SGCD: variants seen among roughly 807,000 people sequenced by gnomAD.
The protein encoded by SGCD is delta-sarcoglycan.
Under a neutral mutation model 36.6 loss-of-function variants are expected in SGCD, and 18 were observed. The ratio of observed to expected loss-of-function variants is 0.49; its 90% CI spans 0.34 to 0.73. The LOEUF is 0.73. Among genes scored for constraint, SGCD ranks in the 30% least tolerant of loss-of-function variants. The pLI, the probability that SGCD is intolerant of heterozygous loss-of-function variation, is 0.01. For missense variants in SGCD, 387 were observed against 346.7 expected (o/e 1.12, Z -0.92); for synonymous variants, 133 against 130.6 (o/e 1.02, Z -0.12).
chr5:156,146,192 G>A (rs1296611530), intron 3 of SGCD, among the ~76,000 whole-genome samples: 6 of 152,144 alleles, frequency 3.9e-5, no homozygotes, highest in South Asian at 2.1e-4. Context: ...CAGCCTGGGC[G>A]ACAGAGCGAG....
At chr5:156,068,954 A>G (rs1760438477) in intron 1 of SGCD, among the ~76,000 whole-genome samples, 1 of 151,898 alleles carries the variant, frequency 6.6e-6, no homozygotes, top group Non-Finnish European at 1.5e-5. Flanking sequence ...TCCTTTGCCC[A>G]CTTTTTGATG....
At chr5:156,244,235 C>T (rs1765383134) in intron 3 of SGCD, among the ~76,000 whole-genome samples, 2 of 152,052 alleles carry the variant, frequency 1.3e-5, no homozygotes, top group Admixed American at 1.3e-4. Context: ...ATACAGTCTT[C>T]AAAAGTGTCA....
upstream of SGCD, among the ~76,000 whole-genome samples, chr5:155,869,697 A>G (rs895537028): frequency 3.9e-5 from 6 of 151,914 alleles, no homozygotes; most frequent in African/African-American, 1.5e-4. Flanking sequence ...TCTGTACAAA[A>G]GAGATATGAA....
chr5:156,190,152 G>T (rs1311027194), intron 3 of SGCD, among the ~76,000 whole-genome samples: 1 of 152,116 alleles, frequency 6.6e-6, no homozygotes, highest in African/African-American at 2.4e-5. Flanking sequence ...TGGTCACATG[G>T]ATCTGGGAAG....
chr5:156,054,783 G>C (rs1760020401), intron 1 of SGCD, among the ~76,000 whole-genome samples: 1 of 146,030 alleles, frequency 6.8e-6, no homozygotes, highest in Admixed American at 6.8e-5. Context: ...ATTAACTCTT[G>C]AATTATTCTG....
intron 3 of SGCD, among the ~76,000 whole-genome samples, chr5:156,490,791 G>GA (rs1306478885): frequency 1.3e-5 from 2 of 152,048 alleles, no homozygotes; most frequent in East Asian, 3.9e-4. Context: ...TGTAAGGACT[G>GA]AAAAAAGACA....
In SGCD at chr5:156,014,509, A is replaced by G. The variant is rs1313624243; in HGVS notation, c.-281-103369A>G. ...ATTTTTTCATTTGTAAGTAGTTTGT[A>G]TATACCACTTCCCTTAATGTTTCAA... On this transcript the variant is annotated intron_variant, in intron 1 of 9. Coordinates refer to the SGCD transcript ENST00000517913. Among the ~76,000 whole-genome samples the G allele has an allele frequency of 2.6e-5, 4 of 152,312 alleles. No individual in the cohort carries two copies. The East Asian group carries it at 5.8e-4, about 22-fold the overall frequency.
At chr5:156,498,277 A>AAAAC (rs1417383295) in intron 3 of SGCD, among the ~76,000 whole-genome samples, 14 of 151,976 alleles carry the variant, frequency 9.2e-5, no homozygotes, top group African/African-American at 3.4e-4. Context: ...AAAAAAAAAA[A>AAAAC]ACACCTCGTT....
chr5:156,548,492 A>G (rs1173166515), intron 4 of SGCD, among the ~76,000 whole-genome samples: 1 of 152,244 alleles, frequency 6.6e-6, no homozygotes, highest in Non-Finnish European at 1.5e-5. Flanking sequence ...AAAGACCATA[A>G]TCTTGGAGGA....
chr5:155,792,497 A>G, the SGCD span, among the ~76,000 whole-genome samples: 1 of 151,656 alleles, frequency 6.6e-6, no homozygotes. Flanking sequence ...ACTATTCACC[A>G]AGTATGCATC....
chr5:156,164,510 G>A (rs1763167136), intron 3 of SGCD, among the ~76,000 whole-genome samples: 1 of 152,164 alleles, frequency 6.6e-6, no homozygotes, highest in African/African-American at 2.4e-5. Flanking sequence ...GAGGGGGCTT[G>A]CATTCCTGTC....
chr5:156,248,110 T>A (rs1264140080), intron 3 of SGCD, among the ~76,000 whole-genome samples: 1 of 152,160 alleles, frequency 6.6e-6, no homozygotes, highest in Non-Finnish European at 1.5e-5. Context: ...GTGTGTAGTA[T>A]GTTTATGTAT....
Position 156,450,527 on chromosome 5 carries a change from G to T in SGCD, c.193-58074G>T, listed in dbSNP as rs971317207. On this transcript the variant is annotated intron_variant, in intron 3 of 8. Transcript: ENST00000337851. ...ACAAGAATTGCATACAGTAAGCTGAGACATTCATTAAAAAAAAAAAAAGAA... is the reference window on the plus strand; with the variant it reads ...ACAAGAATTGCATACAGTAAGCTGATACATTCATTAAAAAAAAAAAAAGAA... Among the ~76,000 whole-genome samples, 26 of 144,068 alleles carry T rather than the reference G, an allele frequency of 1.8e-4. 1 individual carries two copies. The highest frequency in any genetic ancestry group is 6.8e-4 in the African/African-American group (26 of 38,296). 94.5% of individuals were successfully genotyped at this position (144,068 alleles called of 152,430 possible).
At chr5:156,213,215 T>G (rs944476158) in intron 3 of SGCD, among the ~76,000 whole-genome samples, 8 of 151,950 alleles carry the variant, frequency 5.3e-5, no homozygotes, top group African/African-American at 1.9e-4. Context: ...AACTAAGGGT[T>G]GTTTTTTGCA....
At chr5:155,741,687 CTTTTTTTTTTTT>C in the SGCD span, among the ~76,000 whole-genome samples, 1 of 132,290 alleles carries the variant, frequency 7.6e-6, no homozygotes, top group Admixed American at 7.7e-5. Context: ...CTTTTCTTTT[CTTTTTTTTTTTT>C]TTTTTTAATT....
intron 7 of SGCD, among the ~76,000 whole-genome samples, chr5:156,719,686 G>A (rs755786129): frequency 3.3e-5 from 5 of 152,070 alleles, no homozygotes; most frequent in African/African-American, 4.8e-5. Flanking sequence ...CAATTTAAAC[G>A]GCTGTCATAT....
At chr5:156,011,220 G>A (rs1042707371) in intron 1 of SGCD, among the ~76,000 whole-genome samples, 7 of 152,006 alleles carry the variant, frequency 4.6e-5, no homozygotes, top group Admixed American at 1.3e-4. Context: ...AAATAGTACA[G>A]GTTTGCAATC....
chr5:156,131,294 T>C (rs10043109), intron 3 of SGCD, among the ~76,000 whole-genome samples: 9,511 of 152,238 alleles, frequency 0.062, 1,022 homozygotes, highest in African/African-American at 0.22. Context: ...CCAGATGGTT[T>C]TACTTTCTGG....
At chr5:155,946,276 A>G (rs538229730) in intron 1 of SGCD, among the ~76,000 whole-genome samples, 1 of 152,298 alleles carries the variant, frequency 6.6e-6, no homozygotes, top group Admixed American at 6.5e-5. Context: ...ACCACCTTGC[A>G]AGTTAGATAA....
Sources: gnomAD v4.1 joint callset for allele counts (sites outside exome capture counted in the v4.1 genomes callset) on GRCh38, gnomAD v4.1.1 for gene constraint, MANE v1.5 for transcripts, NCBI Gene and HGNC (gene_info 2026-07-23, HGNC 2026-07-21) for gene names.